The following SLCO1B1 variants were observed in gnomAD, a reference collection of about 807,000 sequenced individuals.
The protein encoded by SLCO1B1 is solute carrier organic anion transporter family member 1B1, also known as OATP-2.
Under a neutral mutation model 70.1 loss-of-function variants are expected in SLCO1B1, and 81 were observed. The ratio of observed to expected loss-of-function variants is 1.16; its 90% CI spans 0.97 to 1.39. The LOEUF (loss-of-function observed/expected upper bound fraction) is 1.39. SLCO1B1 is among the 40% of genes most tolerant of loss of function. The pLI is 0.00. For missense variants in SLCO1B1, 895 were observed against 799.6 expected (o/e 1.12, Z -1.44); for synonymous variants, 283 against 271.5 (o/e 1.04, Z -0.42).
At chr12:21,135,691 A>G (rs1009678840) in intron 1 of SLCO1B1, among the ~76,000 whole-genome samples, 3 of 152,024 alleles carry the variant, frequency 2.0e-5, no homozygotes, top group Non-Finnish European at 2.9e-5. Flanking sequence ...TGCTTGGTAG[A>G]TCTTCCTCCA....
At chr12:21,198,074 T>C (rs948896613) in intron 8 of SLCO1B1, among the ~76,000 whole-genome samples, 10 of 152,158 alleles carry the variant, frequency 6.6e-5, no homozygotes, top group African/African-American at 1.2e-4. Flanking sequence ...AAGTTTTCTT[T>C]AAAGTAAGAT....
Position 21,217,197 on chromosome 12 carries a change from A to C in SLCO1B1, c.1576A>C (p.Arg526=), listed in dbSNP as rs1941369585. ...NYSAHLGECP[R]DDACTRKFYF... The stretch of plus-strand genomic sequence containing the variant: ...CTCAGCCCATTTGGGTGAATGCCCA[A>C]GAGATGATGCTTGTACAAGGAAATT... The change falls in exon 12 of 15, where the codon AGA becomes CGA. Residue 526 remains arginine (R), a synonymous_variant. Transcript: ENST00000256958. The C allele has an allele frequency of 3.1e-6, 5 of 1,613,770 alleles. No individual in the cohort carries two copies. The East Asian group carries it at 8.9e-5, about 29-fold the overall frequency.
In SLCO1B1 at chr12:21,227,942, A is replaced by G. The variant is rs1250883155; in HGVS notation, c.1865+3103A>G. Among the ~76,000 whole-genome samples, 3 of 152,112 alleles carry G rather than the reference A, an allele frequency of 2.0e-5. 1 individual carries two copies. The highest frequency in any genetic ancestry group is 1.5e-5 in the Non-Finnish European group (1 of 67,992). On this transcript the variant is annotated intron_variant, in intron 14 of 14. Transcript: ENST00000256958. ...GTTGAACAACTGGTATAGTATCCAAATTTTTAATATACTGCAAAGACCATT... is the reference window on the plus strand; with the variant it reads ...GTTGAACAACTGGTATAGTATCCAAGTTTTTAATATACTGCAAAGACCATT...
chr12:21,149,776 G>A (rs572960650), intron 2 of SLCO1B1, among the ~76,000 whole-genome samples: 1 of 152,198 alleles, frequency 6.6e-6, no homozygotes, highest in African/African-American at 2.4e-5. Context: ...CTGGGTGGCT[G>A]TTTGGGCAGA....
At chr12:21,165,374 C>G (rs960570581) in intron 2 of SLCO1B1, among the ~76,000 whole-genome samples, 4 of 152,044 alleles carry the variant, frequency 2.6e-5, no homozygotes, top group Non-Finnish European at 4.4e-5. Flanking sequence ...ATGTAGCTAG[C>G]ACTGCATGTA....
chr12:21,162,728 T>C (rs942834159), intron 2 of SLCO1B1, among the ~76,000 whole-genome samples: 1 of 152,194 alleles, frequency 6.6e-6, no homozygotes, highest in Non-Finnish European at 1.5e-5. Flanking sequence ...TTAAATAACT[T>C]TGCATCTCTA....
Position 21,141,621 on chromosome 12 carries a change from C to G in SLCO1B1, c.47C>G (p.Ser16Ter). The change falls in exon 2 of 15, where the codon TCA becomes TGA. Residue 16 changes from serine to a stop codon, truncating the protein, a stop_gained. Transcript: ENST00000256958. LOFTEE classifies it high-confidence loss of function. The stretch of plus-strand genomic sequence containing the variant: ...AATAAAACAGCAGAGGCACAACCTT[C>G]AGAGAATAAGAAAACAAGATACTGC... ...HLNKTAEAQP[S>*]ENKKTRYCNG... is the part of the protein sequence containing the mutation. 6.2e-7 allele frequency: 1 copy of G among 1,608,600 alleles called. No individual in the cohort carries two copies. The highest frequency in any genetic ancestry group is 8.5e-7 in the Non-Finnish European group (1 of 1,176,150).
intron 13 of SLCO1B1, 34 bp from the exon 14 acceptor site, chr12:21,224,688 C>A: frequency 8.2e-7 from 1 of 1,216,906 alleles, no homozygotes; most frequent in South Asian, 1.2e-5. Context: ...AAAATATGTT[C>A]CCTAAACTGA....
Position 21,175,441 on chromosome 12 carries a change from A to G in SLCO1B1, c.359+732A>G, listed in dbSNP as rs544552752. Among the ~76,000 whole-genome samples the G allele has an allele frequency of 5.3e-5, 8 of 149,906 alleles. No homozygotes were observed. The East Asian group carries it at 1.7e-3, about 31-fold the overall frequency. Reference sequence around the variant, plus strand: ...CACACATAGATATATAAATGCTGAAAAAAATAGACATTATTCCAAGTTACC... The same window carrying G: ...CACACATAGATATATAAATGCTGAAGAAAATAGACATTATTCCAAGTTACC... On this transcript the variant is annotated intron_variant, in intron 4 of 14. Coordinates refer to ENST00000256958, the MANE Select transcript of SLCO1B1 (RefSeq NM_006446.5).
At chr12:21,144,354 C>A (rs1940353935) in intron 2 of SLCO1B1, among the ~76,000 whole-genome samples, 2 of 151,888 alleles carry the variant, frequency 1.3e-5, no homozygotes, top group South Asian at 4.1e-4. Flanking sequence ...TGAATCAACA[C>A]AAGCAGACAA....
intron 1 of SLCO1B1, among the ~76,000 whole-genome samples, chr12:21,137,970 A>G (rs532088965): frequency 4.2e-4 from 64 of 152,314 alleles, no homozygotes; most frequent in African/African-American, 1.4e-3. Context: ...CTATTTGGCC[A>G]TCTTGGCTCC....
chr12:21,211,768 C>T (rs1941289298), intron 11 of SLCO1B1, among the ~76,000 whole-genome samples: 1 of 152,226 alleles, frequency 6.6e-6, no homozygotes, highest in Non-Finnish European at 1.5e-5. Context: ...AGAGATTCAA[C>T]ATCTTCCTGA....
Position 21,205,974 on chromosome 12 carries a change from A to G in SLCO1B1, c.1438A>G (p.Thr480Ala), listed in dbSNP as rs1480125814. 3 of 1,612,224 alleles carry G rather than the reference A, an allele frequency of 1.9e-6. No individual in the cohort carries two copies. Among genetic ancestry groups the G allele is most frequent in the Admixed American group, 1.7e-5 (1 of 59,858 alleles). The change falls in exon 11 of 15, where the codon ACT becomes GCT. Residue 480 changes from threonine to alanine, a missense_variant. Physicochemically the swap from Thr to Ala is moderately conservative, Grantham distance 58. Coordinates refer to ENST00000256958, the MANE Select transcript of SLCO1B1 (RefSeq NM_006446.5). ...ACCAGTCTGTGGAAACAATGGAATA[A>G]CTTACATCTCACCCTGTCTAGCAGG... Reference protein sequence around the residue: ...WEPVCGNNGITYISPCLAGCK... With the variant: ...WEPVCGNNGIAYISPCLAGCK...
At position 21,202,565 on chromosome 12, in the gene SLCO1B1, A is replaced by G; in HGVS notation, c.1210A>G (p.Thr404Ala). 6.2e-7 allele frequency: 1 copy of G among 1,612,138 alleles called. No individual in the cohort carries two copies. Among genetic ancestry groups the G allele is most frequent in the Non-Finnish European group, 8.5e-7 (1 of 1,178,948 alleles). The change falls in exon 10 of 15, where the codon ACC becomes GCC. Residue 404 changes from threonine (T) to alanine (A), a missense_variant. Physicochemically the swap from Thr to Ala is moderately conservative, Grantham distance 58. Transcript: ENST00000256958. ...GYIIKKFKLN[T>A]VGIAKFSCFT... Reference sequence around the variant, plus strand: ...TATCATTAAAAAATTCAAACTGAACACCGTTGGAATTGCCAAATTCTCATG... The same window carrying G: ...TATCATTAAAAAATTCAAACTGAACGCCGTTGGAATTGCCAAATTCTCATG...
At chr12:21,216,378 A>G (rs1443910401) in intron 11 of SLCO1B1, among the ~76,000 whole-genome samples, 1 of 152,174 alleles carries the variant, frequency 6.6e-6, no homozygotes, top group Admixed American at 6.5e-5. Flanking sequence ...TAGCATTAAT[A>G]GATTCAACGT....
chr12:21,135,560 G>A (rs986936516), intron 1 of SLCO1B1, among the ~76,000 whole-genome samples: 1 of 152,160 alleles, frequency 6.6e-6, no homozygotes, highest in African/African-American at 2.4e-5. Flanking sequence ...AGCGCTTCTT[G>A]TTGAATTGAT....
intron 1 of SLCO1B1, among the ~76,000 whole-genome samples, chr12:21,139,811 T>C (rs931111110): frequency 2.0e-5 from 3 of 152,158 alleles, no homozygotes; most frequent in African/African-American, 7.2e-5. Flanking sequence ...TAAAGAAATA[T>C]CCTTTTCACA....
Position 21,239,475 on chromosome 12 carries a change from T to A in SLCO1B1, c.*286T>A, listed in dbSNP as rs1941627228. 6.6e-6 allele frequency among the ~76,000 whole-genome samples: 1 copy of A among 152,136 alleles called. No homozygotes were observed. The stretch of plus-strand genomic sequence containing the variant: ...GGTTACTGTGTAATAAAAGAAAAAA[T>A]ACTTGTTCAGGTAATTCTAATTCTT... On this transcript the variant is annotated 3_prime_UTR_variant, in exon 15 of 15. Coordinates refer to ENST00000256958, the MANE Select transcript of SLCO1B1 (RefSeq NM_006446.5).
chr12:21,215,990 A>C (rs1591824383), intron 11 of SLCO1B1, among the ~76,000 whole-genome samples: 1 of 152,130 alleles, frequency 6.6e-6, no homozygotes, highest in African/African-American at 2.4e-5. Context: ...CAGTTAATAC[A>C]TGCTCCCTCT....
Sources: gnomAD v4.1 joint callset for allele counts (sites outside exome capture counted in the v4.1 genomes callset) on GRCh38, gnomAD v4.1.1 for gene constraint, MANE v1.5 for transcripts, NCBI Gene and HGNC (gene_info 2026-07-23, HGNC 2026-07-21) for gene names.